Variants in CELF2 observed in about 807,000 individuals in gnomAD.
CELF2 encodes CUG triplet repeat RNA-binding protein 2.
A neutral mutation model predicts 62.6 loss-of-function variants in CELF2; 8 were observed. The observed-to-expected ratio is 0.13, with a 90% confidence interval of 0.07 to 0.23. The LOEUF is 0.23. Ranked by LOEUF, CELF2 falls within the 10% of genes least tolerant of loss-of-function variation. The probability of loss-of-function intolerance (pLI) is 1.00; values close to 1 mark genes in which losing one functional copy is unlikely to be tolerated. For synonymous variants in CELF2, 258 were observed against 250.0 expected (o/e 1.03, Z -0.30); for missense variants, 333 against 671.0 (o/e 0.50, Z 5.56).
rs1747719 is a variant in CELF2, at chr10:11,132,577, A to G, written c.75-32909A>G. On this transcript the variant is annotated intron_variant, in intron 1 of 12. Coordinates refer to ENST00000633077, the MANE Select transcript of CELF2 (RefSeq NM_001326342.2). ...TATGTATTAAACAAGACAGGGCCCA[A>G]TGAAATTGTCTTTGTGTTAGAAATT... 2.1e-3 allele frequency among the ~76,000 whole-genome samples: 321 copies of G among 152,298 alleles called. 3 individuals are homozygous for G. The highest frequency in any genetic ancestry group is 7.4e-3 in the African/African-American group (308 of 41,554).
chr10:10,614,259 C>T, the CELF2 span, among the ~76,000 whole-genome samples: 3 of 152,020 alleles, frequency 2.0e-5, no homozygotes, highest in African/African-American at 2.4e-5. Flanking sequence ...TTATTACGCT[C>T]TTACATTGAA....
At chr10:10,669,835 G>T in the CELF2 span, among the ~76,000 whole-genome samples, 1 of 150,692 alleles carries the variant, frequency 6.6e-6, no homozygotes, top group Non-Finnish European at 1.5e-5. Flanking sequence ...ACTTTTCATA[G>T]TATTATTGCT....
At chr10:11,232,408 G>T (rs535761153) in intron 3 of CELF2, among the ~76,000 whole-genome samples, 10 of 152,166 alleles carry the variant, frequency 6.6e-5, no homozygotes, top group Admixed American at 3.9e-4. Flanking sequence ...CAGATGACTC[G>T]AGTCTCCTTC....
intron 1 of CELF2, among the ~76,000 whole-genome samples, chr10:11,144,015 C>T (rs1290180598): frequency 2.0e-5 from 3 of 152,194 alleles, no homozygotes; most frequent in Non-Finnish European, 2.9e-5. Flanking sequence ...CTTGGCATTT[C>T]TGCAGTTAAT....
intron 2 of CELF2, among the ~76,000 whole-genome samples, chr10:11,166,283 A>G (rs2067151937): frequency 6.6e-6 from 1 of 152,178 alleles, no homozygotes; most frequent in Non-Finnish European, 1.5e-5. Flanking sequence ...CATAGTTAGG[A>G]CACCTTCACA....
At position 10,957,162 on chromosome 10, in the gene CELF2, A is replaced by G. The variant is rs2048994694; in HGVS notation, c.89+37163A>G. Among the ~76,000 whole-genome samples, 1 of 152,164 alleles carries G rather than the reference A, an allele frequency of 6.6e-6. No homozygotes were observed. Among genetic ancestry groups the G allele is most frequent in the East Asian group, 1.9e-4 (1 of 5,190 alleles). ...TCCTCTCTTTGCTGTGCCTCTCTGGAGTTCCTGACATTTCCGCAAATAAGT... is the reference window on the plus strand; with the variant it reads ...TCCTCTCTTTGCTGTGCCTCTCTGGGGTTCCTGACATTTCCGCAAATAAGT... On this transcript the variant is annotated intron_variant, in intron 2 of 13. Coordinates refer to the CELF2 transcript ENST00000636488. This position sits in a 1 kb window ranked among gnomAD's most constrained non-coding sequence, Gnocchi z 4.1.
At chr10:10,518,516 T>C in the CELF2 span, among the ~76,000 whole-genome samples, 2 of 152,210 alleles carry the variant, frequency 1.3e-5, no homozygotes, top group South Asian at 2.1e-4. Context: ...AGTATTATGA[T>C]TCTATAATCT....
At chr10:10,580,900 A>AC in the CELF2 span, among the ~76,000 whole-genome samples, 1 of 152,234 alleles carries the variant, frequency 6.6e-6, no homozygotes, top group African/African-American at 2.4e-5. Flanking sequence ...TAATAGAATT[A>AC]CCTGAAAATA....
At chr10:10,745,001 C>T in the CELF2 span, among the ~76,000 whole-genome samples, 1 of 151,646 alleles carries the variant, frequency 6.6e-6, no homozygotes, top group Non-Finnish European at 1.5e-5. Flanking sequence ...CTTTAAGGCT[C>T]AAGAAGCCTG....
At chr10:10,793,416 G>A (rs1234666266), upstream of CELF2, among the ~76,000 whole-genome samples, 2 of 152,188 alleles carry the variant, frequency 1.3e-5, no homozygotes, top group African/African-American at 4.8e-5. Flanking sequence ...CTATTCAGGT[G>A]CAGATTTTTT....
intron 1 of CELF2, among the ~76,000 whole-genome samples, chr10:11,028,863 G>GC (rs1164616803): frequency 2.6e-5 from 4 of 151,612 alleles, no homozygotes; most frequent in Non-Finnish European, 4.4e-5. Flanking sequence ...GAGATTACAG[G>GC]CCCCCACCTG....
Position 10,866,607 on chromosome 10 carries a change from C to CAA in CELF2, c.54-53333_54-53332dup, listed in dbSNP as rs55875778. Among the ~76,000 whole-genome samples, 324 of 52,224 alleles carry CAA rather than the reference C, an allele frequency of 6.2e-3. 1 individual carries two copies. Among genetic ancestry groups the CAA allele is most frequent in the East Asian group, 0.023 (28 of 1,244 alleles). 34.3% of individuals were successfully genotyped at this position (52,224 alleles called of 152,430 possible). A position where few individuals can be genotyped will look rare whatever the true frequency, so the allele number is the denominator to read the frequency against. ...GTGACAGAGCAAGACTCCATCCTCT[C>CAA]AAAAAAAAAAAAAAAAAAAAAAAAA... On this transcript the variant is annotated intron_variant, in intron 1 of 13. Coordinates refer to the CELF2 transcript ENST00000636488.
chr10:10,858,432 A>G (rs2059874153), intron 1 of CELF2, among the ~76,000 whole-genome samples: 1 of 152,186 alleles, frequency 6.6e-6, no homozygotes, highest in Non-Finnish European at 1.5e-5. Context: ...CCAAATTCAA[A>G]GAGACAGGCA....
At chr10:10,531,049 C>T in the CELF2 span, among the ~76,000 whole-genome samples, 1 of 152,208 alleles carries the variant, frequency 6.6e-6, no homozygotes, top group African/African-American at 2.4e-5. Flanking sequence ...TCTGTGCTTT[C>T]ACCCTGTTAC....
Position 11,130,955 on chromosome 10 carries a change from A to G in CELF2, c.75-34531A>G, listed in dbSNP as rs896026645. Reference sequence around the variant, plus strand: ...AAAGTAGATTTTAGTGCATTTGCATATTAACAAAGAGACGCTCATGGAAAC... The same window carrying G: ...AAAGTAGATTTTAGTGCATTTGCATGTTAACAAAGAGACGCTCATGGAAAC... On this transcript the variant is annotated intron_variant, in intron 1 of 12. Coordinates refer to ENST00000633077, the MANE Select transcript of CELF2 (RefSeq NM_001326342.2). Among the ~76,000 whole-genome samples, 11 of 152,362 alleles carry G rather than the reference A, an allele frequency of 7.2e-5. No individual in the cohort carries two copies. In the East Asian group the frequency reaches 2.1e-3, roughly 29 times the overall value.
the CELF2 span, among the ~76,000 whole-genome samples, chr10:10,709,331 A>C: frequency 1.3e-5 from 2 of 152,352 alleles, no homozygotes; most frequent in African/African-American, 4.8e-5. Context: ...AGAAATCTCC[A>C]GTTTCCTCTT....
intron 2 of CELF2, among the ~76,000 whole-genome samples, chr10:11,193,901 G>A (rs1041892551): frequency 2.6e-5 from 4 of 151,930 alleles, no homozygotes; most frequent in Non-Finnish European, 4.4e-5. Flanking sequence ...GGGGAGGTCC[G>A]GTCATCTTCA....
At position 11,329,952 on chromosome 10, in the gene CELF2, GTTA is replaced by G. The variant is rs2095957039; in HGVS notation, c.*902_*904del. ...TTTTACTGCCTCAGAAATAATGGAA[GTTA>G]TTTATTGCCTATTGTTAACTTATTG... is the stretch of plus-strand genomic sequence containing the variant. On this transcript the variant is annotated 3_prime_UTR_variant, in exon 13 of 13. Transcript: ENST00000633077. The surrounding 1 kb of genome is among the most constrained non-coding windows in gnomAD (Gnocchi z 5.5). The G allele has an allele frequency of 6.6e-6, 1 of 152,538 alleles. No homozygotes were observed. The highest frequency in any genetic ancestry group is 1.5e-5 in the Non-Finnish European group (1 of 68,024). The allele number at this position is 152,538 out of a possible 1,614,324, so 9.4% of individuals were successfully genotyped here. A position where few individuals can be genotyped will look rare whatever the true frequency, so the allele number is the denominator to read the frequency against.
chr10:11,138,282 AAAT>A (rs1382523605), intron 1 of CELF2, among the ~76,000 whole-genome samples: 1 of 152,242 alleles, frequency 6.6e-6, no homozygotes, highest in East Asian at 1.9e-4. Flanking sequence ...CATTTCTAAA[AAAT>A]AAACTGAGAC....
Sources: allele counts gnomAD v4.1 joint callset (sites outside exome capture counted in the v4.1 genomes callset), GRCh38; gene constraint gnomAD v4.1.1; non-coding constraint Gnocchi (gnomAD v3.1); transcripts MANE v1.5; gene names NCBI Gene and HGNC (gene_info 2026-07-23, HGNC 2026-07-21).